The following CHD9 variants were observed in gnomAD, a reference collection of about 807,000 sequenced individuals.
CHD9 encodes ATP-dependent chromatin remodeler CHD9.
Under a neutral mutation model 316.1 loss-of-function variants are expected in CHD9, and 77 were observed. That is an observed-to-expected ratio of 0.24 (90% CI 0.20 to 0.29). The LOEUF (loss-of-function observed/expected upper bound fraction) is 0.29. Ranked by LOEUF, CHD9 falls within the 10% of genes least tolerant of loss-of-function variation. The pLI, the probability that CHD9 is intolerant of heterozygous loss-of-function variation, is 1.00. For missense variants in CHD9, 2,763 were observed against 3,438.1 expected, an observed-to-expected ratio of 0.80 and a Z score of 4.91; for synonymous variants, 1,129 against 1,158.3, an observed-to-expected ratio of 0.97 and a Z score of 0.51.
intron 1 of CHD9, among the ~76,000 whole-genome samples, chr16:53,094,036 A>G (rs954251089): frequency 6.6e-6 from 1 of 152,204 alleles, no homozygotes; most frequent in Non-Finnish European, 1.5e-5. Context: ...CTTTATCTTA[A>G]GGAAAAAGTG....
chr16:53,173,791 G>A (rs548456158), intron 2 of CHD9, among the ~76,000 whole-genome samples: 5 of 151,906 alleles, frequency 3.3e-5, no homozygotes, highest in Non-Finnish European at 5.9e-5. Context: ...TGATTCACCC[G>A]CCTCAGCCTC....
At chr16:53,081,962 C>T (rs925441482) in intron 1 of CHD9, among the ~76,000 whole-genome samples, 7 of 152,084 alleles carry the variant, frequency 4.6e-5, no homozygotes, top group African/African-American at 9.7e-5. Context: ...ACCTACTCTG[C>T]CTACCTCACC....
At chr16:53,214,349 C>G (rs2046570371) in intron 3 of CHD9, among the ~76,000 whole-genome samples, 1 of 152,054 alleles carries the variant, frequency 6.6e-6, no homozygotes, top group Non-Finnish European at 1.5e-5. Context: ...ACGTATGAAG[C>G]CCTGCTTGCA....
chr16:53,147,104 T>C (rs539393715), intron 1 of CHD9, among the ~76,000 whole-genome samples: 1 of 151,978 alleles, frequency 6.6e-6, no homozygotes, highest in Non-Finnish European at 1.5e-5. Context: ...AGTGTAGGCT[T>C]TAAGATAATA....
intron 2 of CHD9, among the ~76,000 whole-genome samples, chr16:53,207,365 G>A (rs2045969171): frequency 6.6e-6 from 1 of 152,158 alleles, no homozygotes. Flanking sequence ...AAGGTTAGGA[G>A]GAAAGGTCAG....
At chr16:53,288,786 T>C (rs1238844631) in intron 27 of CHD9, among the ~76,000 whole-genome samples, 2 of 152,190 alleles carry the variant, frequency 1.3e-5, no homozygotes, top group Non-Finnish European at 1.5e-5. Flanking sequence ...AAGAAAATTA[T>C]TGTTTCCCTT....
chr16:53,326,382 G>GAAAAAATACTTTC lies in CHD9; in HGVS notation c.*1489_*1501dup, dbSNP rs2057541810. 1 of 152,414 alleles carries GAAAAAATACTTTC rather than the reference G, an allele frequency of 6.6e-6. No homozygotes were observed. The allele number at this position is 152,414 out of a possible 1,614,324, so 9.4% of individuals were successfully genotyped here. ...AAAAGTGTCCCAGTTCTCTCCTACAGAAAAAATACTTTCAGTATGTTTTGA... is the reference window on the plus strand; with the variant it reads ...AAAAGTGTCCCAGTTCTCTCCTACAGAAAAAATACTTTCAAAAAATACTTTCAGTATGTTTTGA... On this transcript the variant is annotated 3_prime_UTR_variant, in exon 39 of 39. Coordinates refer to ENST00000447540, the MANE Select transcript of CHD9 (RefSeq NM_001308319.2).
At chr16:53,140,398 CAG>C (rs1476912382) in intron 1 of CHD9, among the ~76,000 whole-genome samples, 6 of 130,070 alleles carry the variant, frequency 4.6e-5, no homozygotes, top group Non-Finnish European at 9.5e-5. Context: ...GTCTGGGTGA[CAG>C]AGCACAACTC....
At chr16:53,122,265 C>T (rs1597055704) in intron 1 of CHD9, 1 of 152,156 alleles carries the variant, frequency 6.6e-6, no homozygotes, top group East Asian at 1.9e-4. Context: ...GTAGCCAACA[C>T]AGCACCTACC....
At chr16:53,138,571 T>C (rs1206610853) in intron 1 of CHD9, among the ~76,000 whole-genome samples, 1 of 152,176 alleles carries the variant, frequency 6.6e-6, no homozygotes, top group African/African-American at 2.4e-5. Context: ...TTCAGAAGAT[T>C]CTTAAAGCAC....
At chr16:53,165,028 A>G (rs943900056) in intron 2 of CHD9, among the ~76,000 whole-genome samples, 1 of 152,196 alleles carries the variant, frequency 6.6e-6, no homozygotes, top group Non-Finnish European at 1.5e-5. Context: ...TCCAATAATT[A>G]TCTTCAAATA....
intron 33 of CHD9, among the ~76,000 whole-genome samples, chr16:53,308,291 T>C (rs1047066325): frequency 6.6e-6 from 1 of 152,234 alleles, no homozygotes; most frequent in Non-Finnish European, 1.5e-5. Context: ...TGCCCTGTTA[T>C]CAGTATTGTT....
intron 1 of CHD9, among the ~76,000 whole-genome samples, chr16:53,059,695 G>A (rs1257767850): frequency 2.0e-5 from 3 of 152,196 alleles, no homozygotes; most frequent in Non-Finnish European, 2.9e-5. Context: ...GATAATGACC[G>A]TGAACAGGCA....
chr16:53,247,586 A>C, intron 16 of CHD9, 83 bp downstream of exon 16: 2 of 909,680 alleles, frequency 2.2e-6, no homozygotes, highest in Admixed American at 2.6e-5. Context: ...AATGAACTTT[A>C]CTCATATCTT....
At chr16:53,268,225 A>G (rs749141020) in intron 22 of CHD9, 99 bp downstream of exon 22, 6 of 857,272 alleles carry the variant, frequency 7.0e-6, no homozygotes, top group South Asian at 6.2e-5. Context: ...TACAAATAAT[A>G]TTAAGGAACC....
intron 32 of CHD9, among the ~76,000 whole-genome samples, chr16:53,306,683 G>A (rs1339155835): frequency 6.6e-6 from 1 of 152,192 alleles, no homozygotes; most frequent in East Asian, 1.9e-4. Context: ...TTTTGACTGA[G>A]TCTCCTTGAA....
At chr16:53,190,383 C>T (rs2044384444) in intron 2 of CHD9, among the ~76,000 whole-genome samples, 1 of 152,030 alleles carries the variant, frequency 6.6e-6, no homozygotes, top group Non-Finnish European at 1.5e-5. Context: ...TCTCTGTGGA[C>T]TCTGAGAATG....
At chr16:53,061,340 A>G (rs2032881677) in intron 1 of CHD9, among the ~76,000 whole-genome samples, 1 of 152,238 alleles carries the variant, frequency 6.6e-6, no homozygotes. Context: ...TCCATTGAAC[A>G]TTGTCAGCCA....
intron 2 of CHD9, among the ~76,000 whole-genome samples, chr16:53,180,380 T>G (rs1406214261): frequency 6.6e-6 from 1 of 152,176 alleles, no homozygotes; most frequent in Non-Finnish European, 1.5e-5. Context: ...CTGGGGTAAA[T>G]GGAAAGGATT....
Sources: allele counts gnomAD v4.1 joint callset (sites outside exome capture counted in the v4.1 genomes callset), GRCh38; gene constraint gnomAD v4.1.1; transcripts MANE v1.5; gene names NCBI Gene and HGNC (gene_info 2026-07-23, HGNC 2026-07-21).